MMS22L: variants seen among roughly 807,000 people sequenced by gnomAD.
The protein encoded by MMS22L is MMS22 like, DNA repair protein.
Under a neutral mutation model 159.1 loss-of-function variants are expected in MMS22L, and 74 were observed. The ratio of observed to expected loss-of-function variants is 0.47; its 90% CI spans 0.39 to 0.56. The LOEUF is 0.56. MMS22L is among the 20% of genes least tolerant of loss of function. MMS22L has a pLI of 0.00. For missense variants in MMS22L, 1,351 were observed against 1,422.1 expected (o/e 0.95, Z 0.80); for synonymous variants, 517 against 506.9 (o/e 1.02, Z -0.27).
At chr6:97,151,318 C>A (rs1434735734) in intron 23 of MMS22L, among the ~76,000 whole-genome samples, 1 of 152,188 alleles carries the variant, frequency 6.6e-6, no homozygotes, top group Non-Finnish European at 1.5e-5. Flanking sequence ...TGTGTTACAA[C>A]TGCCTACAGC....
chr6:97,191,826 A>T (rs1429619764), intron 14 of MMS22L, among the ~76,000 whole-genome samples: 2 of 152,240 alleles, frequency 1.3e-5, no homozygotes, highest in Non-Finnish European at 1.5e-5. Flanking sequence ...TCCAGGAAGA[A>T]TATAACATAA....
chr6:97,238,391 C>A (rs557205814), intron 11 of MMS22L, among the ~76,000 whole-genome samples: 2 of 152,252 alleles, frequency 1.3e-5, no homozygotes, highest in Non-Finnish European at 2.9e-5. Flanking sequence ...TTTAAGCAAA[C>A]CCTACCAGAG....
At chr6:97,262,836 C>A (rs1334044468) in intron 9 of MMS22L, among the ~76,000 whole-genome samples, 1 of 152,020 alleles carries the variant, frequency 6.6e-6, no homozygotes, top group Non-Finnish European at 1.5e-5. Flanking sequence ...TTTTCAATAA[C>A]CTACAGCACT....
In MMS22L at chr6:97,227,728, T is replaced by A. The variant is rs531547256; in HGVS notation, c.2039+1166A>T. On this transcript the variant is annotated intron_variant, in intron 14 of 24. Coordinates refer to ENST00000683635, the MANE Select transcript of MMS22L (RefSeq NM_001350599.2). Reference sequence around the variant, plus strand: ...TATGATATTAGGAGGAGGGAAGCAGTCTGTTTATCTTTGGACATGATTTCA... The same window carrying A: ...TATGATATTAGGAGGAGGGAAGCAGACTGTTTATCTTTGGACATGATTTCA... Among the ~76,000 whole-genome samples the A allele has an allele frequency of 2.0e-5, 3 of 152,340 alleles. No individual in the cohort carries two copies. The South Asian group carries it at 6.2e-4, about 32-fold the overall frequency.
intron 24 of MMS22L, among the ~76,000 whole-genome samples, chr6:97,149,482 C>T (rs1035878081): frequency 2.0e-5 from 3 of 152,080 alleles, no homozygotes; most frequent in Non-Finnish European, 2.9e-5. Flanking sequence ...ATCCCTCAAA[C>T]GGTTATGATT....
At chr6:97,208,359 T>C (rs1416116264) in intron 14 of MMS22L, among the ~76,000 whole-genome samples, 2 of 152,116 alleles carry the variant, frequency 1.3e-5, no homozygotes, top group East Asian at 3.9e-4. Context: ...TAATCACCAT[T>C]CAACAGACAC....
Position 97,142,209 on chromosome 6 carries a change from C to G in MMS22L, c.*4597G>C, listed in dbSNP as rs1305129187. The G allele has an allele frequency of 6.6e-6, 1 of 151,618 alleles. No individual in the cohort carries two copies. Among genetic ancestry groups the G allele is most frequent in the Admixed American group, 6.6e-5 (1 of 15,234 alleles). 9.4% of individuals were successfully genotyped at this position (151,618 alleles called of 1,614,324 possible). ...ATTATATATAATTTTATCATATGCA[C>G]AAATAACTCATAAATATGTATATAA... On this transcript the variant is annotated 3_prime_UTR_variant, in exon 25 of 25. Coordinates refer to ENST00000683635, the MANE Select transcript of MMS22L (RefSeq NM_001350599.2).
At chr6:97,156,009 T>C (rs1249133154) in intron 22 of MMS22L, among the ~76,000 whole-genome samples, 2 of 152,222 alleles carry the variant, frequency 1.3e-5, no homozygotes, top group Admixed American at 1.3e-4. Flanking sequence ...CCTGACTTTT[T>C]AATGATCACC....
At chr6:97,195,434 AAT>A (rs960722412) in intron 14 of MMS22L, among the ~76,000 whole-genome samples, 2 of 152,220 alleles carry the variant, frequency 1.3e-5, no homozygotes, top group Non-Finnish European at 2.9e-5. Context: ...TCTTAAAAGG[AAT>A]ATATAAAAGA....
intron 10 of MMS22L, among the ~76,000 whole-genome samples, chr6:97,251,619 A>G (rs1352626514): frequency 1.3e-5 from 2 of 152,214 alleles, no homozygotes; most frequent in African/African-American, 4.8e-5. Flanking sequence ...TTCTTTTAAA[A>G]CCTTCTACAT....
chr6:97,247,769 C>T (rs754018463), intron 10 of MMS22L, among the ~76,000 whole-genome samples: 23 of 151,988 alleles, frequency 1.5e-4, no homozygotes, highest in Non-Finnish European at 3.2e-4. Context: ...AAACCTGAGG[C>T]CTTAAAAAGT....
At chr6:97,272,556 A>T in intron 6 of MMS22L, 148 bp downstream of exon 6, 1 of 646,744 alleles carries the variant, frequency 1.5e-6, no homozygotes, top group Non-Finnish European at 2.6e-6. Flanking sequence ...GCACACAATT[A>T]ATAAAAGGAG....
At chr6:97,185,754 T>C (rs1216794710) in intron 15 of MMS22L, among the ~76,000 whole-genome samples, 3 of 152,162 alleles carry the variant, frequency 2.0e-5, no homozygotes, top group Admixed American at 1.3e-4. Context: ...GTTTAAATCT[T>C]AGGTTTTTAA....
intron 3 of MMS22L, among the ~76,000 whole-genome samples, chr6:97,280,401 C>G (rs951513910): frequency 6.6e-6 from 1 of 151,926 alleles, no homozygotes; most frequent in South Asian, 2.1e-4. Context: ...TGGGCAATCT[C>G]AAATCACTGC....
intron 20 of MMS22L, among the ~76,000 whole-genome samples, chr6:97,166,642 G>A (rs900142695): frequency 1.3e-4 from 20 of 152,104 alleles, no homozygotes; most frequent in African/African-American, 4.1e-4. Flanking sequence ...GAGGAGAGCT[G>A]GGTACCATGA....
chr6:97,214,739 T>C (rs909968728), intron 14 of MMS22L, among the ~76,000 whole-genome samples: 4 of 146,652 alleles, frequency 2.7e-5, no homozygotes, highest in Non-Finnish European at 4.5e-5. Context: ...TTTTCTTCCA[T>C]CCCACCTCCT....
intron 4 of MMS22L, among the ~76,000 whole-genome samples, chr6:97,276,876 G>C (rs1263843797): frequency 6.6e-6 from 1 of 152,142 alleles, no homozygotes; most frequent in East Asian, 1.9e-4. Context: ...ATGTATGCTT[G>C]CATGTCTAGC....
chr6:97,258,479 G>A (rs1236206983), intron 9 of MMS22L, among the ~76,000 whole-genome samples: 1 of 152,062 alleles, frequency 6.6e-6, no homozygotes, highest in African/African-American at 2.4e-5. Flanking sequence ...AGCCCACCCA[G>A]TGAAAAAGGT....
intron 14 of MMS22L, among the ~76,000 whole-genome samples, chr6:97,219,868 C>T (rs562069672): frequency 3.9e-5 from 6 of 152,258 alleles, no homozygotes; most frequent in African/African-American, 1.4e-4. Flanking sequence ...CCATCTCTAC[C>T]TCTCATCAAC....
Sources: gnomAD v4.1 joint callset for allele counts (sites outside exome capture counted in the v4.1 genomes callset) on GRCh38, gnomAD v4.1.1 for gene constraint, MANE v1.5 for transcripts, NCBI Gene and HGNC (gene_info 2026-07-23, HGNC 2026-07-21) for gene names.